Variants in GSE1 observed in about 807,000 individuals in gnomAD.
GSE1 encodes the protein Gse1 coiled-coil protein.
In GSE1, 32 loss-of-function variants were observed where a neutral mutation model predicts 112.6. The ratio of observed to expected loss-of-function variants is 0.28; its 90% CI spans 0.21 to 0.38. The LOEUF (loss-of-function observed/expected upper bound fraction) is 0.38. Among genes scored for constraint, GSE1 ranks in the 10% least tolerant of loss-of-function variants. The pLI is 1.00. For synonymous variants in GSE1, 1,115 were observed against 735.6 expected (o/e 1.52, Z -8.35); for missense variants, 2,348 against 1,699.2 (o/e 1.38, Z -6.71).
intron 2 of GSE1, among the ~76,000 whole-genome samples, chr16:85,436,919 C>T (rs554950365): frequency 6.6e-6 from 1 of 152,350 alleles, no homozygotes; most frequent in South Asian, 2.1e-4. Flanking sequence ...CAACCTTGAG[C>T]TCATCAGTGG....
At chr16:85,329,743 C>T (rs1178168320) in intron 1 of GSE1, among the ~76,000 whole-genome samples, 1 of 151,680 alleles carries the variant, frequency 6.6e-6, no homozygotes, top group African/African-American at 2.4e-5. Flanking sequence ...CAGGCGCTTC[C>T]TTTCAGAGCC....
At chr16:85,263,500 C>G (rs138722401) in intron 1 of GSE1, among the ~76,000 whole-genome samples, 11 of 152,182 alleles carry the variant, frequency 7.2e-5, no homozygotes, top group Admixed American at 6.5e-5. Flanking sequence ...TTGGCTCTTG[C>G]ATTAAAGCTT....
chr16:85,277,102 G>C (rs1909443101), intron 1 of GSE1, among the ~76,000 whole-genome samples: 1 of 152,184 alleles, frequency 6.6e-6, no homozygotes, highest in South Asian at 2.1e-4. Context: ...CTGGGGGAGG[G>C]GTGTAGGGGA....
chr16:85,174,142 A>C (rs920541995), intron 1 of GSE1, among the ~76,000 whole-genome samples: 1 of 152,232 alleles, frequency 6.6e-6, no homozygotes, highest in Non-Finnish European at 1.5e-5. Context: ...AAACAGGCCC[A>C]GAAGCAGGGG....
intron 1 of GSE1, among the ~76,000 whole-genome samples, chr16:85,228,869 A>C (rs1188465788): frequency 6.6e-6 from 1 of 152,220 alleles, no homozygotes; most frequent in Non-Finnish European, 1.5e-5. Context: ...ACTAGAAGGC[A>C]CCCTGGGGCC....
intron 2 of GSE1, among the ~76,000 whole-genome samples, chr16:85,435,741 C>T (rs945843420): frequency 1.6e-5 from 1 of 64,114 alleles, no homozygotes; most frequent in African/African-American, 6.9e-5. Context: ...CTCCACGCAG[C>T]TCTGTGACTC....
chr16:85,298,948 C>A (rs889167709), intron 1 of GSE1, among the ~76,000 whole-genome samples: 2 of 152,176 alleles, frequency 1.3e-5, no homozygotes, highest in Non-Finnish European at 2.9e-5. Flanking sequence ...CTGTGGCTGT[C>A]CCCAGTCACC....
chr16:85,331,683 GTGTATATATATA>G (rs1338125952), intron 1 of GSE1, among the ~76,000 whole-genome samples: 6 of 46,390 alleles, frequency 1.3e-4, no homozygotes, highest in African/African-American at 4.2e-4. Flanking sequence ...GTGTGTGTGT[GTGTATATATATA>G]TATATATATA....
intron 1 of GSE1, among the ~76,000 whole-genome samples, chr16:85,597,455 C>T (rs1281714715): frequency 6.7e-6 from 1 of 149,172 alleles, no homozygotes; most frequent in Non-Finnish European, 1.5e-5. Flanking sequence ...CACAGATTCT[C>T]TTTTTAAATT....
At chr16:85,617,024 G>C (rs2048413512) in intron 1 of GSE1, among the ~76,000 whole-genome samples, 1 of 152,114 alleles carries the variant, frequency 6.6e-6, no homozygotes, top group Non-Finnish European at 1.5e-5. Context: ...CACGCCCTCA[G>C]CTCCAGCCAG....
At chr16:85,424,723 G>A (rs1231559272) in intron 2 of GSE1, among the ~76,000 whole-genome samples, 5 of 152,234 alleles carry the variant, frequency 3.3e-5, no homozygotes, top group Admixed American at 6.5e-5. Flanking sequence ...ACTGACAGGC[G>A]CGAGGGCTCC....
chr16:85,466,554 G>A (rs1178724634), intron 2 of GSE1, among the ~76,000 whole-genome samples: 1 of 152,218 alleles, frequency 6.6e-6, no homozygotes, highest in African/African-American at 2.4e-5. Flanking sequence ...CTTATAGATA[G>A]GGCCAGGTGG....
intron 14 of GSE1, among the ~76,000 whole-genome samples, chr16:85,668,941 C>G (rs571045763): frequency 1.3e-5 from 2 of 152,226 alleles, no homozygotes; most frequent in African/African-American, 4.8e-5. Flanking sequence ...AAGGCTTAGT[C>G]GAAGGCTTGC....
rs114457559 is a variant in GSE1 at position 85,652,906 on chromosome 16, G to T, written c.427-1372G>T. On this transcript the variant is annotated intron_variant, in intron 3 of 15. Transcript: ENST00000253458. ...AGAGCGGGGCTGGTGCTCTTCAGGA[G>T]CACTGCCCGCTGATCAGCAGTCGTT... Among the ~76,000 whole-genome samples the T allele has an allele frequency of 9.7e-3, 1,471 of 152,050 alleles. 28 individuals carry two copies. The highest frequency in any genetic ancestry group is 0.033 in the African/African-American group (1,382 of 41,466).
chr16:85,339,654 G>T (rs1301826164), intron 1 of GSE1, among the ~76,000 whole-genome samples: 3 of 150,310 alleles, frequency 2.0e-5, no homozygotes, highest in Non-Finnish European at 3.0e-5. Flanking sequence ...GGCGCAGGGT[G>T]GGGGTGGGGG....
intron 2 of GSE1, among the ~76,000 whole-genome samples, chr16:85,462,674 G>T (rs1410719214): frequency 7.0e-6 from 1 of 142,056 alleles, no homozygotes; most frequent in African/African-American, 2.6e-5. Flanking sequence ...GAGCGCGGGC[G>T]GGGGAGGGCG....
chr16:85,637,263 C>T (rs541267503), intron 2 of GSE1, among the ~76,000 whole-genome samples: 37 of 152,322 alleles, frequency 2.4e-4, no homozygotes, highest in African/African-American at 7.7e-4. Flanking sequence ...TGGGCTGGCG[C>T]GGTGCGTGTC....
chr16:85,331,405 A>ATATATG (rs2151517800), intron 1 of GSE1, among the ~76,000 whole-genome samples: 1 of 141,698 alleles, frequency 7.1e-6, no homozygotes, highest in South Asian at 2.2e-4. Context: ...GTATATATGT[A>ATATATG]TATATATGCG....
intron 1 of GSE1, among the ~76,000 whole-genome samples, chr16:85,265,265 G>C (rs1171999640): frequency 6.6e-6 from 1 of 152,160 alleles, no homozygotes; most frequent in East Asian, 1.9e-4. Context: ...GGGAGAGCTT[G>C]TCACCAATCC....
Sources: allele counts gnomAD v4.1 joint callset (sites outside exome capture counted in the v4.1 genomes callset), GRCh38; gene constraint gnomAD v4.1.1; transcripts MANE v1.5; gene names NCBI Gene and HGNC (gene_info 2026-07-23, HGNC 2026-07-21).